Variants in HMHB1 observed in about 807,000 individuals in gnomAD.
The protein encoded by HMHB1 is minor histocompatibility protein HB-1.
Under a neutral mutation model 2.4 loss-of-function variants are expected in HMHB1, and 4 were observed. That is an observed-to-expected ratio of 1.65 (90% CI 0.81 to 3.77). The LOEUF is 3.77. Among genes scored for constraint, HMHB1 ranks in the 30% most tolerant of loss-of-function variants. The pLI is 0.01. For missense variants in HMHB1, 57 were observed against 44.2 expected (o/e 1.29, Z -0.82); for synonymous variants, 22 against 17.6 (o/e 1.25, Z -0.63).
chr5:143,819,341 A>G (rs1368261592), intron 1 of HMHB1, among the ~76,000 whole-genome samples: 2 of 152,218 alleles, frequency 1.3e-5, no homozygotes. Flanking sequence ...AGAGAACCCT[A>G]AAAGTCTACT....
chr5:143,820,427 T>C, intron 1 of HMHB1, 53 bp from the exon 2 acceptor site: 1 of 964,228 alleles, frequency 1.0e-6, no homozygotes, highest in Non-Finnish European at 1.6e-6. Flanking sequence ...AAATAGAAAA[T>C]ACTGCTGAGA....
intron 1 of HMHB1, among the ~76,000 whole-genome samples, chr5:143,813,501 G>A (rs906049195): frequency 5.9e-5 from 9 of 152,196 alleles, no homozygotes; most frequent in African/African-American, 1.7e-4. Context: ...AGTAAAAGCT[G>A]TCAATAAATG....
chr5:143,816,166 G>A (rs186369753), intron 1 of HMHB1, among the ~76,000 whole-genome samples: 1 of 152,136 alleles, frequency 6.6e-6, no homozygotes, highest in Non-Finnish European at 1.5e-5. Context: ...GAGCATCTTG[G>A]GGGAGAATAT....
intron 1 of HMHB1, among the ~76,000 whole-genome samples, chr5:143,818,569 A>G (rs560510574): frequency 6.6e-6 from 1 of 152,224 alleles, no homozygotes; most frequent in Non-Finnish European, 1.5e-5. Context: ...CCCAAGCCCA[A>G]TAGCCCAAAT....
intron 1 of HMHB1, among the ~76,000 whole-genome samples, chr5:143,813,529 T>TA (rs1424022767): frequency 6.6e-6 from 1 of 152,196 alleles, no homozygotes; most frequent in East Asian, 1.9e-4. Flanking sequence ...AACTGAAAAG[T>TA]AAAAAATGGA....
intron 1 of HMHB1, among the ~76,000 whole-genome samples, chr5:143,814,655 C>T (rs1471771003): frequency 1.3e-5 from 2 of 152,294 alleles, no homozygotes; most frequent in African/African-American, 4.8e-5. Context: ...TAGGGGTAAT[C>T]TTCAATCGTC....
At chr5:143,818,179 G>A (rs1374476167) in intron 1 of HMHB1, among the ~76,000 whole-genome samples, 1 of 152,150 alleles carries the variant, frequency 6.6e-6, no homozygotes, top group Non-Finnish European at 1.5e-5. Flanking sequence ...TATTCCAATA[G>A]GCATAGTAAA....
In HMHB1 at chr5:143,816,640, G is replaced by A. The variant is rs114581884; in HGVS notation, c.38-3840G>A. On this transcript the variant is annotated intron_variant, in intron 1 of 1. Transcript: ENST00000289448. ...TCGTATTGGTTCCATGATTTTGCAC[G>A]TGCAAATTATGCTGCTATAAACATG... Among the ~76,000 whole-genome samples, 1,201 of 152,180 alleles carry A rather than the reference G, an allele frequency of 7.9e-3. 14 individuals are homozygous for A. The highest frequency in any genetic ancestry group is 0.027 in the African/African-American group (1,135 of 41,512).
chr5:143,815,500 C>G (rs1233649960), intron 1 of HMHB1, among the ~76,000 whole-genome samples: 2 of 151,694 alleles, frequency 1.3e-5, no homozygotes, highest in East Asian at 3.9e-4. Context: ...CTACTTTTTA[C>G]TTTTTCTTTT....
At chr5:143,815,993 G>T (rs1030544632) in intron 1 of HMHB1, among the ~76,000 whole-genome samples, 1 of 152,124 alleles carries the variant, frequency 6.6e-6, no homozygotes, top group Non-Finnish European at 1.5e-5. Context: ...GGCGTGAGCC[G>T]CTGTGCCCAG....
Position 143,812,194 on chromosome 5 carries a change from C to A in HMHB1, c.-74C>A. On this transcript the variant is annotated 5_prime_UTR_variant, in exon 1 of 2. Transcript: ENST00000289448. ...CAGGAGGCCGAGGCGGCTTGCCCCG[C>A]ATCTCAGAAGCCGGGCAGGCCCTGA... 7.0e-7 allele frequency: 1 copy of A among 1,429,816 alleles called. No homozygotes were observed. Among genetic ancestry groups the A allele is most frequent in the Non-Finnish European group, 9.6e-7 (1 of 1,042,100 alleles). The allele number at this position is 1,429,816 out of a possible 1,614,324, so 88.6% of individuals were successfully genotyped here. A position where few individuals can be genotyped will look rare whatever the true frequency, so the allele number is the denominator to read the frequency against.
At chr5:143,818,894 CA>C (rs1393471299) in intron 1 of HMHB1, among the ~76,000 whole-genome samples, 10 of 152,166 alleles carry the variant, frequency 6.6e-5, no homozygotes, top group African/African-American at 2.4e-4. Flanking sequence ...AGGTTAACAT[CA>C]GCAAAAGAGG....
intron 1 of HMHB1, among the ~76,000 whole-genome samples, chr5:143,813,459 G>T (rs1759714595): frequency 6.6e-6 from 1 of 152,306 alleles, no homozygotes; most frequent in Admixed American, 6.5e-5. Context: ...AATCATTTCT[G>T]TATCCTTGGC....
rs60960654 is a variant in HMHB1, at chr5:143,820,318, T to TAAAAAAAAAAAAAAAAAAAAAAAAAAAAA, written c.38-158_38-130dup. ...AGGTGCTGCCCCGGCTCATCATAAG[T>TAAAAAAAAAAAAAAAAAAAAAAAAAAAAA]AAAAAAAAAAAAAAAAAAAAAAAAA... On this transcript the variant is annotated intron_variant, in intron 1 of 1. Coordinates refer to ENST00000289448, the MANE Select transcript of HMHB1 (RefSeq NM_021182.3). 1.0e-3 allele frequency among the ~76,000 whole-genome samples: 49 copies of TAAAAAAAAAAAAAAAAAAAAAAAAAAAAA among 47,578 alleles called. 3 individuals are homozygous for TAAAAAAAAAAAAAAAAAAAAAAAAAAAAA. The highest frequency in any genetic ancestry group is 2.6e-3 in the South Asian group (2 of 776). The allele number at this position is 47,578 out of a possible 152,430, so 31.2% of individuals were successfully genotyped here. A position where few individuals can be genotyped will look rare whatever the true frequency, so the allele number is the denominator to read the frequency against.
intron 1 of HMHB1, among the ~76,000 whole-genome samples, chr5:143,815,381 C>T (rs1385337300): frequency 6.6e-6 from 1 of 152,218 alleles, no homozygotes; most frequent in Admixed American, 6.5e-5. Flanking sequence ...TACCTGCATT[C>T]CATTGCTCAT....
intron 1 of HMHB1, among the ~76,000 whole-genome samples, chr5:143,819,117 T>C (rs1759779625): frequency 6.6e-6 from 1 of 152,232 alleles, no homozygotes; most frequent in Non-Finnish European, 1.5e-5. Context: ...TGCTTCTCCA[T>C]GAATGTGGTA....
chr5:143,813,170 G>A (rs890196026), intron 1 of HMHB1, among the ~76,000 whole-genome samples: 3 of 152,138 alleles, frequency 2.0e-5, no homozygotes, highest in Non-Finnish European at 4.4e-5. Context: ...CCCAGGGAAT[G>A]CTCAGATCCA....
intron 1 of HMHB1, among the ~76,000 whole-genome samples, chr5:143,819,352 A>G (rs1356086682): frequency 6.6e-6 from 1 of 152,246 alleles, no homozygotes; most frequent in Non-Finnish European, 1.5e-5. Flanking sequence ...AAAGTCTACT[A>G]CAATATCCTG....
intron 1 of HMHB1, among the ~76,000 whole-genome samples, 162 bp from the exon 2 acceptor site, chr5:143,820,318 T>TAAAAAAAAAAAAAAAAAAA (rs60960654): frequency 6.5e-4 from 31 of 47,576 alleles, no homozygotes; most frequent in African/African-American, 1.4e-3. Context: ...TCATCATAAG[T>TAAAAAAAAAAAAAAAAAAA]AAAAAAAAAA....
Sources: allele counts gnomAD v4.1 joint callset (sites outside exome capture counted in the v4.1 genomes callset), GRCh38; gene constraint gnomAD v4.1.1; transcripts MANE v1.5; gene names NCBI Gene and HGNC (gene_info 2026-07-23, HGNC 2026-07-21).